GRAMD2B: variants seen among roughly 807,000 people sequenced by gnomAD.
GRAMD2B encodes the protein GRAM domain-containing protein 2B.
In GRAMD2B, 41 loss-of-function variants were observed where a neutral mutation model predicts 59.2. That is an observed-to-expected ratio of 0.69 (90% confidence interval 0.54 to 0.90). GRAMD2B has a LOEUF of 0.90. Among genes scored for constraint, GRAMD2B ranks in the 40% least tolerant of loss-of-function variants. GRAMD2B has a pLI of 0.00. For missense variants in GRAMD2B, 424 were observed against 500.5 expected, an observed-to-expected ratio of 0.85 and a Z score of 1.46; for synonymous variants, 161 against 182.7, an observed-to-expected ratio of 0.88 and a Z score of 0.96.
intron 1 of GRAMD2B, among the ~76,000 whole-genome samples, chr5:126,390,977 C>A (rs147795928): frequency 6.6e-6 from 1 of 152,270 alleles, no homozygotes; most frequent in East Asian, 1.9e-4. Context: ...TGTACTCCAA[C>A]TCCTCCCACC....
chr5:126,488,782 T>C lies in GRAMD2B; in HGVS notation c.1164-17T>C, dbSNP rs1561617286. 12 of 1,581,318 alleles carry C rather than the reference T, an allele frequency of 7.6e-6. No homozygotes were observed. The highest frequency in any genetic ancestry group is 1.0e-5 in the Non-Finnish European group (12 of 1,151,664). On this transcript the variant is annotated splice_polypyrimidine_tract_variant and intron_variant, in intron 12 of 13. Coordinates refer to ENST00000285689, the MANE Select transcript of GRAMD2B (RefSeq NM_023927.4). ...TGTCATCCCTGCCCATAATAATTTTTCTCTTTTTTCTTACAGACAGGCAGC... is the reference window on the plus strand; with the variant it reads ...TGTCATCCCTGCCCATAATAATTTTCCTCTTTTTTCTTACAGACAGGCAGC...
At chr5:126,366,846 CTTTTTT>C (rs59718576), upstream of GRAMD2B, among the ~76,000 whole-genome samples, 1 of 107,682 alleles carries the variant, frequency 9.3e-6, no homozygotes, top group Admixed American at 1.1e-4. Flanking sequence ...CAGACCAAGG[CTTTTTT>C]TTTTTTTTTT....
At chr5:126,445,139 A>G (rs1182876956) in intron 1 of GRAMD2B, among the ~76,000 whole-genome samples, 1 of 152,174 alleles carries the variant, frequency 6.6e-6, no homozygotes, top group Admixed American at 6.5e-5. Context: ...GCTATTGTGA[A>G]TAATGCTGCA....
intron 1 of GRAMD2B, among the ~76,000 whole-genome samples, chr5:126,378,656 G>A (rs76197861): frequency 1.3e-5 from 2 of 152,148 alleles, no homozygotes; most frequent in African/African-American, 4.8e-5. Context: ...GTGAAGGAAT[G>A]GATGTGGTTT....
chr5:126,483,492 T>A lies in GRAMD2B; in HGVS notation c.765T>A (p.Asp255Glu). 1.2e-6 allele frequency: 2 copies of A among 1,611,636 alleles called. No homozygotes were observed. The highest frequency in any genetic ancestry group is 1.7e-6 in the Non-Finnish European group (2 of 1,177,850). The change falls in exon 9 of 14, where the codon GAT becomes GAA. Residue 255 changes from aspartate to glutamate, a missense_variant. Transcript: ENST00000285689. The part of the protein sequence containing the change: ...LDFNDEFSDL[D>E]GVVQQRRQDM... ...TCAATGATGAATTCTCAGATCTGGATGGAGTGGTTCAACAAAGAAGGCAAG... is the reference window on the plus strand; with the variant it reads ...TCAATGATGAATTCTCAGATCTGGAAGGAGTGGTTCAACAAAGAAGGCAAG...
At chr5:126,417,227 G>A (rs2149768180) in intron 1 of GRAMD2B, among the ~76,000 whole-genome samples, 1 of 152,340 alleles carries the variant, frequency 6.6e-6, no homozygotes, top group African/African-American at 2.4e-5. Flanking sequence ...CCAAGAGAAT[G>A]CAGCATAGGA....
intron 1 of GRAMD2B, among the ~76,000 whole-genome samples, chr5:126,441,372 A>C (rs939927162): frequency 6.6e-6 from 1 of 152,242 alleles, no homozygotes. Flanking sequence ...GATTGCTCCA[A>C]ACTACAGACT....
intron 1 of GRAMD2B, among the ~76,000 whole-genome samples, chr5:126,456,871 TTAGAATGCCTA>T (rs1766370552): frequency 6.6e-6 from 1 of 152,194 alleles, no homozygotes; most frequent in African/African-American, 2.4e-5. Context: ...CTTTTTCAGT[TTAGAATGCCTA>T]TCCATTTGAT....
At position 126,491,006 on chromosome 5, in the gene GRAMD2B, T is replaced by C. The variant is rs75899654; in HGVS notation, c.1258-1909T>C. On this transcript the variant is annotated intron_variant, in intron 13 of 13. Transcript: ENST00000285689. The stretch of plus-strand genomic sequence containing the variant: ...AGGTACCATCCTAGTCCATTCAGCC[T>C]TCCCACTACCAGTCAGATAGTGTGA... Among the ~76,000 whole-genome samples the C allele has an allele frequency of 4.5e-3, 692 of 152,330 alleles. 6 individuals carry two copies. Among genetic ancestry groups the C allele is most frequent in the South Asian group, 0.021 (100 of 4,828 alleles).
intron 13 of GRAMD2B, among the ~76,000 whole-genome samples, chr5:126,489,105 A>G (rs571606347): frequency 3.3e-5 from 5 of 152,344 alleles, no homozygotes; most frequent in African/African-American, 1.2e-4. Context: ...CTTGAAATAC[A>G]TAGTCTTGTA....
intron 1 of GRAMD2B, among the ~76,000 whole-genome samples, chr5:126,409,844 C>T (rs1048019978): frequency 1.2e-4 from 18 of 152,162 alleles, no homozygotes; most frequent in South Asian, 4.2e-4. Flanking sequence ...AGTCTTTAAT[C>T]CATCTTGAAT....
At chr5:126,412,990 TTC>T in intron 1 of GRAMD2B, among the ~76,000 whole-genome samples, 1 of 152,224 alleles carries the variant, frequency 6.6e-6, no homozygotes, top group Middle Eastern at 3.4e-3. Flanking sequence ...TATTTAGATC[TTC>T]TCTCTTTTTT....
chr5:126,398,532 C>A (rs532881079), intron 1 of GRAMD2B, among the ~76,000 whole-genome samples: 18 of 151,980 alleles, frequency 1.2e-4, no homozygotes, highest in Non-Finnish European at 1.5e-5. Flanking sequence ...GTTACTCTGT[C>A]AATTTTGTTT....
intron 1 of GRAMD2B, among the ~76,000 whole-genome samples, chr5:126,408,744 C>T (rs530554958): frequency 2.5e-4 from 38 of 149,464 alleles, no homozygotes; most frequent in African/African-American, 8.1e-4. Flanking sequence ...AATGTGCAGG[C>T]TAGTTACATA....
At chr5:126,468,691 T>C (rs927679164) in intron 2 of GRAMD2B, among the ~76,000 whole-genome samples, 2 of 152,104 alleles carry the variant, frequency 1.3e-5, no homozygotes, top group Non-Finnish European at 2.9e-5. Flanking sequence ...TTTCGCTATG[T>C]TGGCCAGGCC....
At chr5:126,408,530 A>AC (rs1253894992) in intron 1 of GRAMD2B, among the ~76,000 whole-genome samples, 1 of 148,742 alleles carries the variant, frequency 6.7e-6, no homozygotes, top group Non-Finnish European at 1.5e-5. Flanking sequence ...GTTGTTTTTT[A>AC]TTTTTTTTCC....
chr5:126,401,629 A>C (rs970841336), intron 1 of GRAMD2B, among the ~76,000 whole-genome samples: 2 of 152,090 alleles, frequency 1.3e-5, no homozygotes, highest in Non-Finnish European at 2.9e-5. Context: ...TCCAAGCTAG[A>C]AATTTGCAGG....
At chr5:126,409,258 G>A (rs1011367842) in intron 1 of GRAMD2B, among the ~76,000 whole-genome samples, 29 of 152,200 alleles carry the variant, frequency 1.9e-4, no homozygotes, top group African/African-American at 6.5e-4. Context: ...TTGAGGAATC[G>A]CCACACTGAC....
Position 126,492,973 on chromosome 5 carries a change from G to A in GRAMD2B, c.*17G>A. On this transcript the variant is annotated 3_prime_UTR_variant, in exon 14 of 14. Transcript: ENST00000285689. ...GGTGACTGATCGACCAGATTGCTTG[G>A]GCCATCGGAATACCTCATGTTTCCC... The A allele has an allele frequency of 1.9e-6, 3 of 1,608,774 alleles. No individual in the cohort carries two copies. Among genetic ancestry groups the A allele is most frequent in the Non-Finnish European group, 2.6e-6 (3 of 1,175,442 alleles).
Sources: allele counts gnomAD v4.1 joint callset (sites outside exome capture counted in the v4.1 genomes callset), GRCh38; gene constraint gnomAD v4.1.1; transcripts MANE v1.5; gene names NCBI Gene and HGNC (gene_info 2026-07-23, HGNC 2026-07-21).